CNTNAP2: variants seen among roughly 807,000 people sequenced by gnomAD.
CNTNAP2 encodes contactin-associated protein-like 2.
In CNTNAP2, 98 loss-of-function variants were observed where a neutral mutation model predicts 155.2. The ratio of observed to expected loss-of-function variants is 0.63; its 90% CI spans 0.54 to 0.75. The LOEUF is 0.75. Ranked by LOEUF, CNTNAP2 falls within the 30% of genes least tolerant of loss-of-function variation. The pLI, the probability that CNTNAP2 is intolerant of heterozygous loss-of-function variation, is 0.00. For missense variants in CNTNAP2, 1,727 were observed against 1,688.1 expected (o/e 1.02, Z -0.40); for synonymous variants, 651 against 631.2 (o/e 1.03, Z -0.47).
At chr7:148,081,706 A>G (rs1404409575) in intron 15 of CNTNAP2, among the ~76,000 whole-genome samples, 1 of 152,054 alleles carries the variant, frequency 6.6e-6, no homozygotes, top group Non-Finnish European at 1.5e-5. Flanking sequence ...AGAGGAGAGG[A>G]TATCTGAACT....
At chr7:147,838,242 T>G (rs1406433137) in intron 13 of CNTNAP2, among the ~76,000 whole-genome samples, 2 of 152,136 alleles carry the variant, frequency 1.3e-5, no homozygotes, top group Non-Finnish European at 2.9e-5. Context: ...GAAACCATTT[T>G]TCTCTCCTAG....
At chr7:147,170,922 G>A (rs1193986711) in intron 8 of CNTNAP2, among the ~76,000 whole-genome samples, 1 of 152,184 alleles carries the variant, frequency 6.6e-6, no homozygotes, top group African/African-American at 2.4e-5. Context: ...TCCCAGTCCA[G>A]GAGTTTTCTG....
chr7:148,106,409 C>T (rs2116589360), intron 15 of CNTNAP2, among the ~76,000 whole-genome samples: 1 of 150,614 alleles, frequency 6.6e-6, no homozygotes, highest in South Asian at 2.1e-4. Flanking sequence ...AATATTCATC[C>T]CTGGGACACA....
chr7:146,117,362 T>A (rs973796347), intron 1 of CNTNAP2: 1 of 185,736 alleles, frequency 5.4e-6, no homozygotes, highest in African/African-American at 2.3e-5. Flanking sequence ...TATTTTTATT[T>A]ATGGTTATAA....
chr7:147,831,341 C>T (rs1798541791), intron 13 of CNTNAP2, among the ~76,000 whole-genome samples: 1 of 152,166 alleles, frequency 6.6e-6, no homozygotes, highest in Non-Finnish European at 1.5e-5. Context: ...CTTGAAAACG[C>T]ATACACTCTT....
intron 1 of CNTNAP2, among the ~76,000 whole-genome samples, chr7:146,474,293 T>C (rs924815641): frequency 6.7e-6 from 1 of 148,980 alleles, no homozygotes; most frequent in Non-Finnish European, 1.5e-5. Context: ...TTATATAATA[T>C]AAATATAAAT....
Position 146,340,286 on chromosome 7 carries a change from GTTTTT to G in CNTNAP2, c.97+223325_97+223329del, listed in dbSNP as rs548459768. Among the ~76,000 whole-genome samples, 750 of 93,842 alleles carry G rather than the reference GTTTTT, an allele frequency of 8.0e-3. 4 individuals are homozygous for G. Among genetic ancestry groups the G allele is most frequent in the Non-Finnish European group, 0.011 (548 of 48,184 alleles). 61.6% of individuals were successfully genotyped at this position (93,842 alleles called of 152,430 possible). ...CCTTTTTTTGTTTGTTGTTGTTGTT[GTTTTT>G]TTTTTTTTTTTGGTTAAGCAACTTG... On this transcript the variant is annotated intron_variant, in intron 1 of 23. Transcript: ENST00000361727.
intron 2 of CNTNAP2, among the ~76,000 whole-genome samples, chr7:146,816,739 C>CG (rs1209525631): frequency 1.3e-5 from 2 of 152,124 alleles, no homozygotes; most frequent in Non-Finnish European, 2.9e-5. Flanking sequence ...CAGTAAAGCA[C>CG]GGTGGTTAAA....
At chr7:147,297,746 G>A (rs1307631784) in intron 8 of CNTNAP2, among the ~76,000 whole-genome samples, 3 of 152,096 alleles carry the variant, frequency 2.0e-5, no homozygotes, top group Non-Finnish European at 4.4e-5. Flanking sequence ...ACTTTGTGGG[G>A]AGATTAGACT....
In CNTNAP2 at chr7:146,149,479, T is replaced by G. The variant is rs1169988264; in HGVS notation, c.97+32506T>G. 2.0e-5 allele frequency among the ~76,000 whole-genome samples: 3 copies of G among 152,162 alleles called. No individual in the cohort carries two copies. In the South Asian group the frequency reaches 6.2e-4, roughly 32 times the overall value. ...TTCTACCTAAATTTGCCCATCAAAT[T>G]TGGGTGGACAGTGACAGCAGCACAG... On this transcript the variant is annotated intron_variant, in intron 1 of 23. Coordinates refer to ENST00000361727, the MANE Select transcript of CNTNAP2 (RefSeq NM_014141.6).
At chr7:147,969,417 T>C (rs1801291070) in intron 14 of CNTNAP2, among the ~76,000 whole-genome samples, 1 of 152,132 alleles carries the variant, frequency 6.6e-6, no homozygotes, top group Non-Finnish European at 1.5e-5. Context: ...GCTTTCAAAG[T>C]TCACGTTAGT....
At chr7:146,246,854 G>A (rs1020421152) in intron 1 of CNTNAP2, among the ~76,000 whole-genome samples, 1 of 152,194 alleles carries the variant, frequency 6.6e-6, no homozygotes, top group Non-Finnish European at 1.5e-5. Flanking sequence ...CAAGCTCCTG[G>A]GGGAGGAGGT....
At chr7:147,253,383 G>GTT (rs556721401) in intron 8 of CNTNAP2, among the ~76,000 whole-genome samples, 1,287 of 118,540 alleles carry the variant, frequency 0.011, 30 homozygotes, top group African/African-American at 0.031. Flanking sequence ...CAGGTTCTCT[G>GTT]TTTTTTTTTT....
intron 20 of CNTNAP2, among the ~76,000 whole-genome samples, chr7:148,249,130 T>G (rs1304580396): frequency 2.6e-5 from 4 of 152,224 alleles, no homozygotes; most frequent in Non-Finnish European, 5.9e-5. Flanking sequence ...GCCAGATGCA[T>G]GTACTGTGAA....
chr7:146,927,799 G>A (rs532576839), intron 3 of CNTNAP2, among the ~76,000 whole-genome samples: 69 of 151,864 alleles, frequency 4.5e-4, no homozygotes, highest in African/African-American at 1.6e-3. Context: ...ATGTATACAT[G>A]TATATGTCTT....
At chr7:148,122,980 T>C (rs1172800643) in intron 16 of CNTNAP2, among the ~76,000 whole-genome samples, 3 of 152,216 alleles carry the variant, frequency 2.0e-5, no homozygotes, top group Non-Finnish European at 4.4e-5. Flanking sequence ...AGTTTTGATG[T>C]TGTGTGAGTG....
At chr7:147,725,840 G>A (rs750102058) in intron 13 of CNTNAP2, among the ~76,000 whole-genome samples, 10 of 152,000 alleles carry the variant, frequency 6.6e-5, no homozygotes, top group South Asian at 6.2e-4. Flanking sequence ...AGCTGCTATA[G>A]GCCTCTTTTC....
intron 13 of CNTNAP2, among the ~76,000 whole-genome samples, chr7:147,865,951 T>C (rs529606654): frequency 1.3e-5 from 2 of 152,326 alleles, no homozygotes; most frequent in African/African-American, 4.8e-5. Context: ...TAGTTATTTC[T>C]TGCCTTCTGC....
At chr7:146,283,807 G>A (rs1326797153) in intron 1 of CNTNAP2, among the ~76,000 whole-genome samples, 2 of 151,988 alleles carry the variant, frequency 1.3e-5, no homozygotes, top group African/African-American at 4.8e-5. Flanking sequence ...TGGTGCCAAG[G>A]TTTCCCAGGG....
Sources: allele counts gnomAD v4.1 joint callset (sites outside exome capture counted in the v4.1 genomes callset), GRCh38; gene constraint gnomAD v4.1.1; transcripts MANE v1.5; gene names NCBI Gene and HGNC (gene_info 2026-07-23, HGNC 2026-07-21).